MARK4: variants seen among roughly 807,000 people sequenced by gnomAD.
MARK4 encodes microtubule affinity regulating kinase 4, also known as MAP/microtubule affinity-regulating kinase 4.
In MARK4, 19 loss-of-function variants were observed where a neutral mutation model predicts 81.5. That is an observed-to-expected ratio of 0.23 (90% CI 0.16 to 0.34). MARK4 has a LOEUF of 0.34. Ranked by LOEUF, MARK4 falls within the 10% of genes least tolerant of loss-of-function variation. The pLI, the probability that MARK4 is intolerant of heterozygous loss-of-function variation, is 1.00. For missense variants in MARK4, 772 were observed against 1,058.8 expected, an observed-to-expected ratio of 0.73 and a Z score of 3.76; for synonymous variants, 436 against 439.0, an observed-to-expected ratio of 0.99 and a Z score of 0.08.
chr19:45,269,133 T>C (rs1220944742), intron 7 of MARK4, among the ~76,000 whole-genome samples: 1 of 152,022 alleles, frequency 6.6e-6, no homozygotes, highest in Admixed American at 6.6e-5. Context: ...TCTCAGCACT[T>C]TTTGGGAGGC....
intron 8 of MARK4, among the ~76,000 whole-genome samples, chr19:45,272,855 TC>T (rs1273298507): frequency 6.6e-6 from 1 of 152,090 alleles, no homozygotes; most frequent in Non-Finnish European, 1.5e-5. Context: ...GCCACTGCAC[TC>T]CAGCCTGGGC....
Position 45,259,059 on chromosome 19 carries a change from G to A in MARK4, c.122G>A (p.Arg41His), listed in dbSNP as rs944493070. ...TGGTCCAGCCGCTCACTGGGTGCCC[G>A]TTGCCGGAACTCCATCGCCTCCTGT... ...PSWSSRSLGA[R>H]CRNSIASCPE... The change falls in exon 2 of 17, where the codon CGT (arginine) becomes CAT (histidine). Residue 41 changes from arginine to histidine, a missense_variant. By Grantham distance (29) the Arg-to-His change is conservative (BLOSUM62 0). This residue lies in a region of MARK4 where 115 missense variants were observed against 139.8 expected (regional missense o/e 0.82). Coordinates refer to ENST00000262891, the MANE Select transcript of MARK4 (RefSeq NM_001199867.2). 16 of 1,613,886 alleles carry A rather than the reference G, an allele frequency of 9.9e-6. No homozygotes were observed. Among genetic ancestry groups the A allele is most frequent in the African/African-American group, 6.7e-5 (5 of 74,944 alleles).
In MARK4 at chr19:45,302,499, C is replaced by T. The variant is rs763049576; in HGVS notation, c.2048C>T (p.Ala683Val). The change falls in exon 17 of 17, where the codon GCC becomes GTC. Residue 683 changes from alanine (A) to valine (V), a missense_variant. Physicochemically the swap from Ala to Val is moderately conservative, Grantham distance 64. Transcript: ENST00000262891. The surrounding 1 kb of genome is among the most constrained non-coding windows in gnomAD (Gnocchi z 4.9). ...GCAGCTCTGCGCCAGGCCACAGCAG[C>T]CGCCCGCTGCCGCTGCCGCCAGCCA... ...LMAALRQATA[A>V]ARCRCRQPQP... The T allele has an allele frequency of 2.5e-6, 4 of 1,604,086 alleles. No homozygotes were observed. The highest frequency in any genetic ancestry group is 3.4e-6 in the Non-Finnish European group (4 of 1,178,962).
At position 45,264,930 on chromosome 19, in the gene MARK4, T is replaced by G. The variant is rs1164330395; in HGVS notation, c.492+20T>G. ...CGACAGGTTGGGGCAGGGCTGAGGG[T>G]GGGGCTGACTGGGTGCCTGGGTCCC... On this transcript the variant is annotated intron_variant, in intron 6 of 16. Transcript: ENST00000262891. 1 of 1,612,220 alleles carries G rather than the reference T, an allele frequency of 6.2e-7. No individual in the cohort carries two copies. The highest frequency in any genetic ancestry group is 2.2e-5 in the East Asian group (1 of 44,778).
rs1018372761 is a variant in MARK4, at chr19:45,297,834, G to T, written c.1757G>T (p.Gly586Val). Residue 586 changes from glycine to valine, a missense_variant, in exon 15 of 17, where the codon GGT becomes GTT. Around this residue, in one of 3 missense-constraint regions of MARK4, gnomAD observed 548 missense variants for 624.3 expected, o/e 0.88. Transcript: ENST00000262891. ...CGGGCAGGGGGTGGGGGTGGTGGGG[G>T]TGTGCAGAATGGGCCCCCTGCCTCT... ...DRRAGGGGGGGVQNGPPASPT... is the reference protein window; with the variant it reads ...DRRAGGGGGGVVQNGPPASPT... The T allele has an allele frequency of 3.2e-6, 5 of 1,545,724 alleles. No homozygotes were observed. The highest frequency in any genetic ancestry group is 1.4e-5 in the African/African-American group (1 of 73,242).
rs1257386883 is a variant in MARK4 at position 45,302,060 on chromosome 19, T to G, written c.1923-314T>G. ...CTGTGCCACTGCTAAGTCCAGCTCC[T>G]GGGAGATGTGGGACAGGAGAGCCTG... On this transcript the variant is annotated intron_variant, in intron 16 of 16. Coordinates refer to ENST00000262891, the MANE Select transcript of MARK4 (RefSeq NM_001199867.2). The surrounding 1 kb of genome is among the most constrained non-coding windows in gnomAD (Gnocchi z 4.9). 6.6e-6 allele frequency among the ~76,000 whole-genome samples: 1 copy of G among 152,152 alleles called. No individual in the cohort carries two copies. The highest frequency in any genetic ancestry group is 1.9e-4 in the East Asian group (1 of 5,194).
Position 45,302,737 on chromosome 19 carries a change from C to G in MARK4, c.*27C>G, listed in dbSNP as rs1255183662. On this transcript the variant is annotated 3_prime_UTR_variant, in exon 17 of 17. Transcript: ENST00000262891. The surrounding 1 kb of genome is among the most constrained non-coding windows in gnomAD (Gnocchi z 4.9). ...CCACCACGGTCCCAGGGCCCTTACTCTTCCTCTCCCTTGTCGCCTTCACTT... is the reference window on the plus strand; with the variant it reads ...CCACCACGGTCCCAGGGCCCTTACTGTTCCTCTCCCTTGTCGCCTTCACTT... The G allele has an allele frequency of 6.5e-7, 1 of 1,535,110 alleles. No individual in the cohort carries two copies. The highest frequency in any genetic ancestry group is 8.7e-7 in the Non-Finnish European group (1 of 1,146,454).
At chr19:45,268,445 G>T (rs1024966826) in intron 7 of MARK4, among the ~76,000 whole-genome samples, 1 of 151,964 alleles carries the variant, frequency 6.6e-6, no homozygotes, top group South Asian at 2.1e-4. Context: ...TTAGGTGGTC[G>T]TTGTGGCGCG....
At chr19:45,275,090 G>A (rs575552697) in intron 8 of MARK4, among the ~76,000 whole-genome samples, 47 of 152,088 alleles carry the variant, frequency 3.1e-4, no homozygotes, top group Non-Finnish European at 2.9e-4. Context: ...GTGAAACCCC[G>A]TCTCTACTAA....
At chr19:45,298,401 GCT>G (rs1310143980) in intron 15 of MARK4, among the ~76,000 whole-genome samples, 1 of 152,128 alleles carries the variant, frequency 6.6e-6, no homozygotes, top group Non-Finnish European at 1.5e-5. Flanking sequence ...TCAAATGGCA[GCT>G]CTGCCAAGTG....
At chr19:45,253,048 G>T (rs998575074) in intron 1 of MARK4, among the ~76,000 whole-genome samples, 2 of 151,452 alleles carry the variant, frequency 1.3e-5, no homozygotes, top group Non-Finnish European at 2.9e-5. Context: ...CTGTGTCTCT[G>T]ATCACTGATC....
intron 6 of MARK4, among the ~76,000 whole-genome samples, chr19:45,265,379 G>A (rs970159288): frequency 7.2e-5 from 11 of 151,816 alleles, no homozygotes; most frequent in African/African-American, 2.7e-4. Flanking sequence ...CTGAGGGGTG[G>A]TTGTGTAAGC....
chr19:45,288,471 T>G (rs973931433), intron 13 of MARK4: 1 of 150,548 alleles, frequency 6.6e-6, no homozygotes, highest in Non-Finnish European at 1.5e-5. Flanking sequence ...GAGAATCGCT[T>G]GAACCCAGGA....
chr19:45,301,894 AG>A (rs201303354), intron 16 of MARK4, among the ~76,000 whole-genome samples: 3,514 of 151,776 alleles, frequency 0.023, 66 homozygotes, highest in Middle Eastern at 0.041. Flanking sequence ...AAAAGGAAAA[AG>A]AAATTTCTCA....
chr19:45,299,785 C>A, intron 15 of MARK4, 26 bp from the exon 16 acceptor site: 1 of 1,579,080 alleles, frequency 6.3e-7, no homozygotes, highest in Non-Finnish European at 8.6e-7. Flanking sequence ...CCAGATTAGA[C>A]ACTCTGTCCC....
chr19:45,297,584 C>G, intron 14 of MARK4, 92 bp from the exon 15 acceptor site: 1 of 766,368 alleles, frequency 1.3e-6, no homozygotes, highest in Non-Finnish European at 2.1e-6. Context: ...GTTGCAGTCC[C>G]TGGTCTCAGG....
At chr19:45,255,899 C>T (rs1970301834) in intron 1 of MARK4, among the ~76,000 whole-genome samples, 1 of 152,036 alleles carries the variant, frequency 6.6e-6, no homozygotes, top group South Asian at 2.1e-4. Flanking sequence ...GAAAGGGAGA[C>T]AGTCCCTGGG....
intron 7 of MARK4, among the ~76,000 whole-genome samples, chr19:45,268,155 A>G (rs1970479653): frequency 1.3e-5 from 2 of 151,800 alleles, no homozygotes; most frequent in African/African-American, 4.8e-5. Context: ...TCAAATTCCT[A>G]TGGAGGACCA....
chr19:45,286,922 C>A (rs1232491827), intron 12 of MARK4, among the ~76,000 whole-genome samples: 1 of 152,102 alleles, frequency 6.6e-6, no homozygotes, highest in Non-Finnish European at 1.5e-5. Context: ...TCATGAAGAT[C>A]ATTCTGTACT....
Sources: allele counts gnomAD v4.1 joint callset (sites outside exome capture counted in the v4.1 genomes callset), GRCh38; gene constraint gnomAD v4.1.1; regional missense constraint gnomAD v4.1.1; non-coding constraint Gnocchi (gnomAD v3.1); transcripts MANE v1.5; gene names NCBI Gene and HGNC (gene_info 2026-07-23, HGNC 2026-07-21).